The following LPXN variants were observed in gnomAD, a reference collection of about 807,000 sequenced individuals.
LPXN encodes leupaxin.
LPXN carries 28 observed loss-of-function variants against 45.6 expected under a neutral mutation model. The observed-to-expected ratio is 0.61, with a 90% CI of 0.45 to 0.84. LPXN has a LOEUF of 0.84. Among genes scored for constraint, LPXN ranks in the 40% least tolerant of loss-of-function variants. The probability of loss-of-function intolerance (pLI) is 0.00; values close to 1 mark genes in which losing one functional copy is unlikely to be tolerated. For missense variants in LPXN, 459 were observed against 475.0 expected (o/e 0.97, Z 0.31); for synonymous variants, 166 against 169.9 (o/e 0.98, Z 0.18).
At position 58,550,550 on chromosome 11, in the gene LPXN, C is replaced by A. The variant is rs190143623; in HGVS notation, c.487-404G>T. On this transcript the variant is annotated intron_variant, in intron 5 of 8. Coordinates refer to ENST00000395074, the MANE Select transcript of LPXN (RefSeq NM_004811.3). ...TCTAGTTTGAACACTTTATTCCACG[C>A]CCCATGCAGTCAGGTCTCAAAGCTT... 7.2e-5 allele frequency among the ~76,000 whole-genome samples: 11 copies of A among 152,336 alleles called. 1 individual carries two copies. In the East Asian group the frequency reaches 1.7e-3, roughly 24 times the overall value.
At chr11:58,562,956 G>A (rs1053028888) in intron 3 of LPXN, among the ~76,000 whole-genome samples, 1 of 152,178 alleles carries the variant, frequency 6.6e-6, no homozygotes, top group African/African-American at 2.4e-5. Flanking sequence ...CAGAGCAAGA[G>A]AAGGAGGAAA....
chr11:58,573,453 C>A (rs1451286920), intron 1 of LPXN, among the ~76,000 whole-genome samples: 1 of 152,070 alleles, frequency 6.6e-6, no homozygotes, highest in Non-Finnish European at 1.5e-5. Flanking sequence ...AGCCAAAGAT[C>A]CTCCTGAGCT....
At chr11:58,577,625 G>C (rs1186567612), upstream of LPXN, among the ~76,000 whole-genome samples, 2 of 152,192 alleles carry the variant, frequency 1.3e-5, no homozygotes, top group African/African-American at 4.8e-5. Context: ...TCCCTTTGAT[G>C]AATCAGGAAG....
intron 7 of LPXN, among the ~76,000 whole-genome samples, chr11:58,532,028 G>A (rs1025865544): frequency 6.6e-6 from 1 of 152,232 alleles, no homozygotes; most frequent in African/African-American, 2.4e-5. Context: ...GGATCAGCAG[G>A]CCCCGCACTC....
intron 7 of LPXN, among the ~76,000 whole-genome samples, chr11:58,537,615 A>G (rs1169142081): frequency 6.6e-6 from 1 of 152,052 alleles, no homozygotes; most frequent in Non-Finnish European, 1.5e-5. Context: ...CCTATGTAAC[A>G]AACCTGCACA....
upstream of LPXN, among the ~76,000 whole-genome samples, chr11:58,577,512 T>C (rs1565210021): frequency 6.6e-6 from 1 of 152,162 alleles, no homozygotes; most frequent in South Asian, 2.1e-4. Context: ...TGCCTTATTT[T>C]CCAGGGGTAA....
At chr11:58,573,020 C>T (rs561123215) in intron 1 of LPXN, among the ~76,000 whole-genome samples, 135 of 152,080 alleles carry the variant, frequency 8.9e-4, no homozygotes, top group South Asian at 2.5e-3. Flanking sequence ...CCGAGGCGGG[C>T]GGATCGCCTG....
At chr11:58,570,133 T>C (rs1854641960) in intron 2 of LPXN, among the ~76,000 whole-genome samples, 1 of 151,822 alleles carries the variant, frequency 6.6e-6, no homozygotes, top group South Asian at 2.1e-4. Flanking sequence ...ACAAAACCCG[T>C]CTCTACTAAA....
At chr11:58,577,489 T>C (rs561997688), upstream of LPXN, among the ~76,000 whole-genome samples, 1 of 152,334 alleles carries the variant, frequency 6.6e-6, no homozygotes, top group Non-Finnish European at 1.5e-5. Context: ...CTTTTGGGAC[T>C]TTTAGCCCTG....
chr11:58,578,052 C>T, upstream of LPXN: 1 of 1,550,794 alleles, frequency 6.4e-7, no homozygotes, highest in Non-Finnish European at 8.7e-7. Context: ...GACATGAACG[C>T]TGGCTAGCCA....
intron 4 of LPXN, among the ~76,000 whole-genome samples, chr11:58,554,496 T>C (rs1162334477): frequency 6.7e-6 from 1 of 150,148 alleles, no homozygotes; most frequent in African/African-American, 2.5e-5. Context: ...CTCCAAAATC[T>C]CTCTATATCC....
chr11:58,549,888 T>C lies in LPXN; in HGVS notation c.661-21A>G, dbSNP rs763186416. The C allele has an allele frequency of 9.3e-6, 15 of 1,613,844 alleles. No homozygotes were observed. The Middle Eastern group carries it at 8.2e-4, about 88-fold the overall frequency. On this transcript the variant is annotated intron_variant, in intron 6 of 8. Coordinates refer to ENST00000395074, the MANE Select transcript of LPXN (RefSeq NM_004811.3). ...ACTTTCTGGAAAGGGAACACACAGA[T>C]ATTATAATGATGCAGAAGTTGTAAA...
intron 7 of LPXN, among the ~76,000 whole-genome samples, chr11:58,530,959 G>C (rs1435598379): frequency 6.6e-6 from 1 of 152,232 alleles, no homozygotes; most frequent in Non-Finnish European, 1.5e-5. Flanking sequence ...TGTAGCAGAG[G>C]AGCCTGACTG....
intron 3 of LPXN, among the ~76,000 whole-genome samples, chr11:58,558,540 CAA>C (rs35870490): frequency 0.013 from 617 of 47,968 alleles, 2 homozygotes; most frequent in African/African-American, 0.043. Context: ...GAGACCCTGT[CAA>C]AAAAAAAAAA....
Position 58,563,036 on chromosome 11 carries a change from C to T in LPXN, c.218+1119G>A, listed in dbSNP as rs1854425279. Among the ~76,000 whole-genome samples the T allele has an allele frequency of 2.0e-5, 3 of 152,074 alleles. 1 individual carries two copies. The highest frequency in any genetic ancestry group is 4.1e-4 in the South Asian group (2 of 4,826). On this transcript the variant is annotated intron_variant, in intron 3 of 8. Transcript: ENST00000395074. ...TGTCAATAAGTTAGTATTGGTACACCATCAGTTAATAATCACAGTGCCAGA... is the reference window on the plus strand; with the variant it reads ...TGTCAATAAGTTAGTATTGGTACACTATCAGTTAATAATCACAGTGCCAGA...
rs560664531 is a variant in LPXN, at chr11:58,564,695, CA to C, written c.172-495del. 1.7e-4 allele frequency among the ~76,000 whole-genome samples: 26 copies of C among 151,930 alleles called. No individual in the cohort carries two copies. In the East Asian group the frequency reaches 4.4e-3, roughly 26 times the overall value. On this transcript the variant is annotated intron_variant, in intron 2 of 8. Coordinates refer to ENST00000395074, the MANE Select transcript of LPXN (RefSeq NM_004811.3). ...GGCTGAGGATGTAGCAGTCAAAAAGCAAAAAAATCAAATAAAAACTGTAAGC... is the reference window on the plus strand; with the variant it reads ...GGCTGAGGATGTAGCAGTCAAAAAGCAAAAAATCAAATAAAAACTGTAAGC...
rs143046004 is a variant in LPXN at position 58,553,389 on chromosome 11, C to G, written c.318+1452G>C. 2.0e-3 allele frequency among the ~76,000 whole-genome samples: 300 copies of G among 148,454 alleles called. 2 individuals carry two copies. The highest frequency in any genetic ancestry group is 6.9e-3 in the African/African-American group (279 of 40,460). On this transcript the variant is annotated intron_variant, in intron 4 of 8. Coordinates refer to ENST00000395074, the MANE Select transcript of LPXN (RefSeq NM_004811.3). ...TTGTAAATTAAAAATTTAAATCAAC[C>G]AATACACAAGCTAAATCAACTAGAA...
At chr11:58,566,287 T>C (rs1258203117) in intron 2 of LPXN, among the ~76,000 whole-genome samples, 1 of 152,236 alleles carries the variant, frequency 6.6e-6, no homozygotes, top group African/African-American at 2.4e-5. Context: ...ATTTCCTCTC[T>C]AGATACTGAT....
chr11:58,563,057 C>A (rs1854425705), intron 3 of LPXN, among the ~76,000 whole-genome samples: 1 of 152,116 alleles, frequency 6.6e-6, no homozygotes, highest in Non-Finnish European at 1.5e-5. Flanking sequence ...AATCACAGTG[C>A]CAGATATACA....
Sources: allele counts gnomAD v4.1 joint callset (sites outside exome capture counted in the v4.1 genomes callset), GRCh38; gene constraint gnomAD v4.1.1; transcripts MANE v1.5; gene names NCBI Gene and HGNC (gene_info 2026-07-23, HGNC 2026-07-21).